MAPKAP1: variants seen among roughly 807,000 people sequenced by gnomAD.
MAPKAP1 encodes the protein target of rapamycin complex 2 subunit MAPKAP1.
A neutral mutation model predicts 65.7 loss-of-function variants in MAPKAP1; 20 were observed. The observed-to-expected ratio is 0.30, with a 90% CI of 0.21 to 0.44. MAPKAP1 has a LOEUF of 0.44. Ranked by LOEUF, MAPKAP1 falls within the 20% of genes least tolerant of loss-of-function variation. The probability of loss-of-function intolerance (pLI) is 1.00; values close to 1 mark genes in which losing one functional copy is unlikely to be tolerated. For missense variants in MAPKAP1, 423 were observed against 648.0 expected (o/e 0.65, Z 3.77); for synonymous variants, 222 against 244.3 (o/e 0.91, Z 0.85).
intron 7 of MAPKAP1, among the ~76,000 whole-genome samples, chr9:125,531,208 C>A (rs1198211491): frequency 6.6e-6 from 1 of 152,218 alleles, no homozygotes; most frequent in Non-Finnish European, 1.5e-5. Flanking sequence ...GGCCCCGTAA[C>A]CTTATCCAGT....
intron 6 of MAPKAP1, among the ~76,000 whole-genome samples, chr9:125,547,353 G>C (rs1334862153): frequency 6.6e-6 from 1 of 152,178 alleles, no homozygotes; most frequent in African/African-American, 2.4e-5. Flanking sequence ...GGAGAGGAAA[G>C]GGCATAGGCT....
intron 2 of MAPKAP1, among the ~76,000 whole-genome samples, chr9:125,670,883 C>T (rs765827970): frequency 1.1e-4 from 16 of 152,214 alleles, no homozygotes; most frequent in African/African-American, 1.4e-4. Context: ...CTTTTTCCGC[C>T]TCTTTCAAGA....
At chr9:125,462,756 A>G (rs1341383993) in intron 10 of MAPKAP1, among the ~76,000 whole-genome samples, 1 of 152,260 alleles carries the variant, frequency 6.6e-6, no homozygotes, top group African/African-American at 2.4e-5. Flanking sequence ...TGTATAATCT[A>G]GGAAAACTGG....
intron 8 of MAPKAP1, among the ~76,000 whole-genome samples, chr9:125,490,216 C>T (rs1368088451): frequency 1.3e-5 from 2 of 152,156 alleles, no homozygotes; most frequent in Non-Finnish European, 2.9e-5. Flanking sequence ...TTACTTTTTT[C>T]ATGTCCATTC....
chr9:125,577,194 G>A (rs988712025), intron 5 of MAPKAP1, among the ~76,000 whole-genome samples: 12 of 150,954 alleles, frequency 7.9e-5, no homozygotes, highest in Middle Eastern at 3.2e-3. Flanking sequence ...TGTGAGGAGC[G>A]TCTCTGCCCG....
intron 6 of MAPKAP1, chr9:125,559,065 T>G (rs1286675154): frequency 6.6e-6 from 1 of 152,294 alleles, no homozygotes; most frequent in African/African-American, 2.4e-5. Context: ...CACATATTAC[T>G]ATATCATGAA....
At chr9:125,659,933 T>C (rs1305432937) in intron 3 of MAPKAP1, among the ~76,000 whole-genome samples, 1 of 152,152 alleles carries the variant, frequency 6.6e-6, no homozygotes, top group Non-Finnish European at 1.5e-5. Context: ...GCTAAATCTG[T>C]TGGTGAATTT....
rs1276634129 is a variant in MAPKAP1, at chr9:125,447,303, C to T, written c.1346-2705G>A. 2.3e-6 allele frequency: 1 copy of T among 428,248 alleles called. No homozygotes were observed. The highest frequency in any genetic ancestry group is 1.7e-5 in the South Asian group (1 of 59,464). 26.5% of individuals were successfully genotyped at this position (428,248 alleles called of 1,614,324 possible). A position where few individuals can be genotyped will look rare whatever the true frequency, so the allele number is the denominator to read the frequency against. On this transcript the variant is annotated intron_variant, in intron 10 of 11. Transcript: ENST00000265960. This position sits in a 1 kb window ranked among gnomAD's most constrained non-coding sequence, Gnocchi z 4.5. Reference sequence around the variant, plus strand: ...TCCCTCAAGCCTCCGGTCTGTTTGTCCTTTCCAGTGAAAGCACTCACGCCA... The same window carrying T: ...TCCCTCAAGCCTCCGGTCTGTTTGTTCTTTCCAGTGAAAGCACTCACGCCA...
chr9:125,594,664 A>AG (rs1374732505), intron 4 of MAPKAP1, among the ~76,000 whole-genome samples: 1 of 152,122 alleles, frequency 6.6e-6, no homozygotes, highest in African/African-American at 2.4e-5. Context: ...ACAGACTTAC[A>AG]GTTTCACTTT....
intron 5 of MAPKAP1, among the ~76,000 whole-genome samples, chr9:125,574,296 G>T (rs1831326921): frequency 6.6e-6 from 1 of 152,208 alleles, no homozygotes; most frequent in African/African-American, 2.4e-5. Context: ...AAGAGGAGAA[G>T]AATGAGAAAA....
chr9:125,499,946 C>T (rs1352134243), intron 8 of MAPKAP1, among the ~76,000 whole-genome samples: 1 of 152,052 alleles, frequency 6.6e-6, no homozygotes, highest in Non-Finnish European at 1.5e-5. Context: ...GTGATCTCAC[C>T]ACTGCACTCC....
intron 4 of MAPKAP1, among the ~76,000 whole-genome samples, chr9:125,641,503 GGTGA>G (rs1833576408): frequency 6.6e-6 from 1 of 151,886 alleles, no homozygotes; most frequent in East Asian, 1.9e-4. Flanking sequence ...AACAGAACTG[GGTGA>G]GTTTCTTATA....
chr9:125,472,339 TAA>T (rs1357414978), intron 9 of MAPKAP1, among the ~76,000 whole-genome samples: 1 of 152,182 alleles, frequency 6.6e-6, no homozygotes, highest in East Asian at 1.9e-4. Context: ...GTATTAATAA[TAA>T]GGAGCTCTGC....
chr9:125,470,981 TCTGTAAAACACTTGC>T, intron 9 of MAPKAP1: 1 of 152,354 alleles, frequency 6.6e-6, no homozygotes, highest in Non-Finnish European at 1.5e-5. Flanking sequence ...TAGTTAATGA[TCTGTAAAACACTTGC>T]CTGCCTAGAG....
At chr9:125,496,530 A>T (rs1416992884) in intron 8 of MAPKAP1, among the ~76,000 whole-genome samples, 3 of 152,196 alleles carry the variant, frequency 2.0e-5, no homozygotes, top group Non-Finnish European at 4.4e-5. Context: ...ACATGATAGA[A>T]ATTGGGGAGA....
At chr9:125,458,804 CG>C (rs1853310267) in intron 10 of MAPKAP1, among the ~76,000 whole-genome samples, 1 of 140,188 alleles carries the variant, frequency 7.1e-6, no homozygotes, top group African/African-American at 2.7e-5. Context: ...CGGGCAGAGG[CG>C]CCCCTCACCT....
intron 4 of MAPKAP1, among the ~76,000 whole-genome samples, chr9:125,607,536 A>C (rs1832473596): frequency 6.6e-6 from 1 of 152,256 alleles, no homozygotes; most frequent in Non-Finnish European, 1.5e-5. Context: ...CCAAAGTTAC[A>C]CAGCTAGTGA....
chr9:125,493,654 A>G (rs938131610), intron 8 of MAPKAP1, among the ~76,000 whole-genome samples: 1 of 152,192 alleles, frequency 6.6e-6, no homozygotes, highest in African/African-American at 2.4e-5. Context: ...AGACTCCCCA[A>G]CAGACTAGGT....
intron 11 of MAPKAP1, among the ~76,000 whole-genome samples, chr9:125,442,605 C>T (rs1852535003): frequency 6.6e-6 from 1 of 151,694 alleles, no homozygotes; most frequent in Non-Finnish European, 1.5e-5. Flanking sequence ...TCCCTGAACA[C>T]TCTGCACAAG....
Sources: gnomAD v4.1 joint callset for allele counts (sites outside exome capture counted in the v4.1 genomes callset) on GRCh38, gnomAD v4.1.1 for gene constraint, Gnocchi (gnomAD v3.1) non-coding constraint, MANE v1.5 for transcripts, NCBI Gene and HGNC (gene_info 2026-07-23, HGNC 2026-07-21) for gene names.